The following DMXL2 variants were observed in gnomAD, a reference collection of about 807,000 sequenced individuals.
The protein encoded by DMXL2 is dmX-like protein 2.
Under a neutral mutation model 331.1 loss-of-function variants are expected in DMXL2, and 103 were observed. The observed-to-expected ratio is 0.31, with a 90% CI of 0.27 to 0.37. The LOEUF (loss-of-function observed/expected upper bound fraction) is 0.37, where lower values mean the gene tolerates loss of function less well. Ranked by LOEUF, DMXL2 falls within the 10% of genes least tolerant of loss-of-function variation. The pLI is 1.00. For synonymous variants in DMXL2, 1,281 were observed against 1,252.1 expected (o/e 1.02, Z -0.49); for missense variants, 3,171 against 3,642.9 (o/e 0.87, Z 3.33).
chr15:51,495,497 G>C lies in DMXL2; in HGVS notation c.4673-363C>G, dbSNP rs185535093. ...ATATTTTCTACATGAATTCCGATGA[G>C]ATGTAATGGAAATTACATAACTGAT... On this transcript the variant is annotated intron_variant, in intron 18 of 43. Coordinates refer to ENST00000560891, the MANE Select transcript of DMXL2 (RefSeq NM_001378457.1). 7.2e-5 allele frequency among the ~76,000 whole-genome samples: 11 copies of C among 152,226 alleles called. No individual in the cohort carries two copies. The East Asian group carries it at 1.4e-3, about 19-fold the overall frequency.
rs955473039 is a variant in DMXL2 at position 51,465,024 on chromosome 15, T to C, written c.7607-148A>G. On this transcript the variant is annotated intron_variant, in intron 31 of 43. Transcript: ENST00000560891. ...AATGTAATACAGTTTAGATTCTTAATGCTTTCAACAAAACAGAAGTGGGTT... is the reference window on the plus strand; with the variant it reads ...AATGTAATACAGTTTAGATTCTTAACGCTTTCAACAAAACAGAAGTGGGTT... 7.6e-5 allele frequency: 56 copies of C among 739,306 alleles called. No homozygotes were observed. In the South Asian group the frequency reaches 8.8e-4, roughly 12 times the overall value. 45.8% of individuals were successfully genotyped at this position (739,306 alleles called of 1,614,324 possible). A position where few individuals can be genotyped will look rare whatever the true frequency, so the allele number is the denominator to read the frequency against.
At chr15:51,573,958 T>C (rs907974503) in intron 2 of DMXL2, among the ~76,000 whole-genome samples, 9 of 152,132 alleles carry the variant, frequency 5.9e-5, no homozygotes, top group African/African-American at 2.2e-4. Context: ...GTCAGAAACT[T>C]TATAATCCAG....
chr15:51,475,641 T>C (rs1389813050), intron 27 of DMXL2, among the ~76,000 whole-genome samples: 1 of 152,100 alleles, frequency 6.6e-6, no homozygotes, highest in African/African-American at 2.4e-5. Flanking sequence ...CTTTACTCAA[T>C]ATAAGAGGAG....
chr15:51,459,817 C>A, intron 33 of DMXL2, 157 bp from the exon 34 acceptor site: 14 of 1,184,932 alleles, frequency 1.2e-5, no homozygotes, highest in Non-Finnish European at 1.5e-5. Flanking sequence ...ATAAAACAGT[C>A]ATCAAATAAA....
chr15:51,563,549 C>T, intron 5 of DMXL2, 102 bp from the exon 6 acceptor site: 2 of 652,280 alleles, frequency 3.1e-6, no homozygotes, highest in Non-Finnish European at 5.0e-6. Context: ...TCAGAATCCT[C>T]AGAATAAGAC....
intron 1 of DMXL2, among the ~76,000 whole-genome samples, chr15:51,581,679 A>G (rs2051431083): frequency 6.6e-6 from 1 of 152,230 alleles, no homozygotes; most frequent in Non-Finnish European, 1.5e-5. Context: ...TATGTCTCAG[A>G]TAAATTGAAG....
chr15:51,474,583 G>T lies in DMXL2; in HGVS notation c.6974C>A (p.Ser2325Ter). 6.2e-7 allele frequency: 1 copy of T among 1,613,668 alleles called. No homozygotes were observed. Among genetic ancestry groups the T allele is most frequent in the South Asian group, 1.1e-5 (1 of 91,008 alleles). Reference protein sequence around the residue: ...SSPAQWPGVSSLINLLSSAQD... With the variant: ...SSPAQWPGVS ...GGCTGAACTCAAAAGATTAATAAGT[G>T]AGCTCACACCTATAAGGGTATATAA... The change falls in exon 28 of 44, where the codon TCA becomes TAA. Residue 2325 changes from serine (S) to a stop codon, truncating the protein, a stop_gained. Coordinates refer to ENST00000560891, the MANE Select transcript of DMXL2 (RefSeq NM_001378457.1). LOFTEE classifies it high-confidence loss of function.
chr15:51,611,841 T>C (rs1429557230), intron 1 of DMXL2, among the ~76,000 whole-genome samples: 1 of 152,100 alleles, frequency 6.6e-6, no homozygotes. Context: ...ATCCTAAAAG[T>C]AGCCAATTGC....
chr15:51,464,612 G>A, intron 32 of DMXL2, 63 bp downstream of exon 32: 1 of 1,442,106 alleles, frequency 6.9e-7, no homozygotes, highest in Non-Finnish European at 9.6e-7. Context: ...GGCATATTTA[G>A]CCAAACTGTC....
intron 1 of DMXL2, among the ~76,000 whole-genome samples, chr15:51,601,289 T>TAAAAAAAAA (rs2053209761): frequency 2.4e-5 from 1 of 40,950 alleles, no homozygotes; most frequent in African/African-American, 7.1e-5. Flanking sequence ...AGACTCCATC[T>TAAAAAAAAA]CAAAAAAAAA....
chr15:51,499,870 A>T lies in DMXL2; in HGVS notation c.3354T>A (p.Val1118=), dbSNP rs779313739. ...CATCAAGATGAATTGTTTGTTCTAA[A>T]ACCCACTCTGATCCTCCTGTAGATT... The part of the protein sequence containing the change: ...ECESTGGSEW[V]LEQTIHLDDL... The change falls in exon 18 of 44, where the codon GTT becomes GTA. Residue 1118 remains valine, a synonymous_variant. Transcript: ENST00000560891. 6.2e-7 allele frequency: 1 copy of T among 1,614,160 alleles called. No homozygotes were observed. The highest frequency in any genetic ancestry group is 1.1e-5 in the South Asian group (1 of 91,084).
intron 1 of DMXL2, among the ~76,000 whole-genome samples, chr15:51,576,727 A>G (rs2051074930): frequency 6.6e-6 from 1 of 152,194 alleles, no homozygotes; most frequent in Admixed American, 6.5e-5. Flanking sequence ...TCAAGACTCA[A>G]ATGAATCCAC....
intron 23 of DMXL2, among the ~76,000 whole-genome samples, chr15:51,482,550 CA>C (rs1049489666): frequency 2.0e-5 from 3 of 152,074 alleles, no homozygotes; most frequent in African/African-American, 7.2e-5. Flanking sequence ...AGATTAGTAC[CA>C]ATGAGGATCC....
intron 6 of DMXL2, among the ~76,000 whole-genome samples, chr15:51,549,232 T>G (rs1166288691): frequency 6.6e-6 from 1 of 152,132 alleles, no homozygotes; most frequent in Non-Finnish European, 1.5e-5. Flanking sequence ...ATTCCTGAGT[T>G]ACTTCACTTA....
intron 19 of DMXL2, among the ~76,000 whole-genome samples, chr15:51,492,148 G>A (rs561476912): frequency 1.6e-3 from 239 of 152,304 alleles, no homozygotes; most frequent in African/African-American, 5.5e-3. Flanking sequence ...AGGTTTCTCT[G>A]TCACCAGGAC....
intron 19 of DMXL2, among the ~76,000 whole-genome samples, chr15:51,494,509 C>T (rs1292628766): frequency 5.9e-5 from 9 of 152,080 alleles, no homozygotes; most frequent in Admixed American, 1.3e-4. Flanking sequence ...ATCTGTAATA[C>T]GAAGGCTGAT....
At chr15:51,478,455 A>G in intron 25 of DMXL2, 108 bp from the exon 26 acceptor site, 2 of 913,184 alleles carry the variant, frequency 2.2e-6, no homozygotes, top group Non-Finnish European at 3.4e-6. Flanking sequence ...CATAAATAAG[A>G]CTGAATCCTA....
At chr15:51,537,813 C>A in intron 10 of DMXL2, 54 bp from the exon 11 acceptor site, 1 of 1,507,486 alleles carries the variant, frequency 6.6e-7, no homozygotes, top group Non-Finnish European at 8.9e-7. Flanking sequence ...CATTTACATA[C>A]TAGACTATAA....
intron 2 of DMXL2, among the ~76,000 whole-genome samples, chr15:51,572,242 T>G (rs150581119): frequency 0.052 from 6,169 of 118,574 alleles, 981 homozygotes; most frequent in East Asian, 0.11. Context: ...CAGGAAGAAG[T>G]TGAATCCCTG....
Sources: gnomAD v4.1 joint callset for allele counts (sites outside exome capture counted in the v4.1 genomes callset) on GRCh38, gnomAD v4.1.1 for gene constraint, MANE v1.5 for transcripts, NCBI Gene and HGNC (gene_info 2026-07-23, HGNC 2026-07-21) for gene names.